The following LTBP1 variants were observed in gnomAD, a reference collection of about 807,000 sequenced individuals.
LTBP1 encodes latent-transforming growth factor beta-binding protein 1.
A neutral mutation model predicts 207.6 loss-of-function variants in LTBP1; 129 were observed. The ratio of observed to expected loss-of-function variants is 0.62; its 90% confidence interval spans 0.54 to 0.72. LTBP1 has a LOEUF of 0.72. LTBP1 is among the 30% of genes least tolerant of loss of function. The pLI is 0.00. For synonymous variants in LTBP1, 963 were observed against 833.7 expected (o/e 1.16, Z -2.67); for missense variants, 2,281 against 2,217.2 (o/e 1.03, Z -0.58).
chr2:33,192,599 T>G (rs1315002771), intron 7 of LTBP1, among the ~76,000 whole-genome samples: 2 of 152,168 alleles, frequency 1.3e-5, no homozygotes, highest in African/African-American at 4.8e-5. Flanking sequence ...GTGTAATATA[T>G]TCACCTTAAT....
At chr2:33,286,369 T>A (rs1184953949) in intron 19 of LTBP1, among the ~76,000 whole-genome samples, 1 of 152,234 alleles carries the variant, frequency 6.6e-6, no homozygotes. Context: ...GGAGAACTCA[T>A]TGTTCTAGAA....
intron 7 of LTBP1, among the ~76,000 whole-genome samples, chr2:33,198,268 A>G (rs187630942): frequency 8.7e-4 from 132 of 152,278 alleles, no homozygotes; most frequent in African/African-American, 3.1e-3. Flanking sequence ...ATGGTGGATA[A>G]GCTTTTTGAT....
At chr2:33,031,579 G>T (rs2075692425) in intron 3 of LTBP1, among the ~76,000 whole-genome samples, 1 of 152,208 alleles carries the variant, frequency 6.6e-6, no homozygotes, top group African/African-American at 2.4e-5. Flanking sequence ...GAGTAAGGAA[G>T]GGGGAGATTG....
At chr2:32,959,621 A>ATATATATATTTT (rs1475834284) in intron 2 of LTBP1, among the ~76,000 whole-genome samples, 1 of 36,668 alleles carries the variant, frequency 2.7e-5, no homozygotes, top group African/African-American at 9.6e-5. Context: ...ATATATATAT[A>ATATATATATTTT]TTTTTTTTTT....
intron 28 of LTBP1, among the ~76,000 whole-genome samples, chr2:33,362,317 G>C (rs1041746091): frequency 1.6e-4 from 24 of 151,950 alleles, no homozygotes; most frequent in African/African-American, 5.5e-4. Context: ...TCAGTAGCTG[G>C]ATAAGAAATT....
chr2:33,021,086 C>G lies in LTBP1; in HGVS notation c.743C>G (p.Ala248Gly), dbSNP rs745553587. 8 of 1,614,004 alleles carry G rather than the reference C, an allele frequency of 5.0e-6. No homozygotes were observed. The highest frequency in any genetic ancestry group is 3.3e-5 in the Admixed American group (2 of 60,004). Residue 248 changes from alanine (A) to glycine (G), a missense_variant, in exon 3 of 34, where the codon GCA (alanine) becomes GGA (glycine). Around this residue, in one of 3 missense-constraint regions of LTBP1, gnomAD observed 555 missense variants for 491.0 expected, o/e 1.13. Coordinates refer to ENST00000404816, the MANE Select transcript of LTBP1 (RefSeq NM_206943.4). ...AASSWGPPEQ[A>G]AKHTSSKKAD... ...TCCTCGTGGGGCCCTCCTGAGCAAG[C>G]AGCAAAGCATACTTCATCTAAGAAG...
At chr2:33,058,991 G>A (rs1264191379) in intron 3 of LTBP1, among the ~76,000 whole-genome samples, 2 of 152,118 alleles carry the variant, frequency 1.3e-5, no homozygotes, top group African/African-American at 4.8e-5. Context: ...TATTTTCACA[G>A]CCATACACAT....
intron 20 of LTBP1, among the ~76,000 whole-genome samples, chr2:33,298,629 A>C (rs1212374478): frequency 1.3e-5 from 2 of 152,234 alleles, no homozygotes; most frequent in African/African-American, 4.8e-5. Flanking sequence ...TCCTAAAGCT[A>C]AGAGACTTAC....
intron 3 of LTBP1, chr2:33,063,089 T>C (rs1348534091): frequency 6.6e-6 from 1 of 152,232 alleles, no homozygotes; most frequent in African/African-American, 2.4e-5. Flanking sequence ...TTGAGTACTG[T>C]AGCTTCAAAA....
At chr2:33,359,644 C>G (rs571477345) in intron 26 of LTBP1, among the ~76,000 whole-genome samples, 6 of 152,134 alleles carry the variant, frequency 3.9e-5, no homozygotes, top group Non-Finnish European at 8.8e-5. Context: ...CAGTAGTCAG[C>G]TTCTTATTTG....
intron 5 of LTBP1, among the ~76,000 whole-genome samples, chr2:33,149,408 C>G (rs1298042652): frequency 6.6e-6 from 1 of 152,020 alleles, no homozygotes; most frequent in African/African-American, 2.4e-5. Context: ...TTGTCCAGGT[C>G]CTTGGAAAAC....
chr2:33,348,207 AT>A (rs200502514), intron 26 of LTBP1, among the ~76,000 whole-genome samples: 3 of 150,932 alleles, frequency 2.0e-5, no homozygotes, highest in East Asian at 1.9e-4. Flanking sequence ...AACATAGACC[AT>A]TTTTTTTTCT....
intron 27 of LTBP1, 78 bp downstream of exon 27, chr2:33,360,857 A>C: frequency 2.2e-6 from 3 of 1,346,132 alleles, no homozygotes; most frequent in Non-Finnish European, 2.1e-6. Context: ...GATAACACTC[A>C]TTCCCACAGC....
chr2:32,964,508 G>A (rs973321089), intron 2 of LTBP1, among the ~76,000 whole-genome samples: 34 of 152,220 alleles, frequency 2.2e-4, no homozygotes, highest in Middle Eastern at 3.4e-3. Flanking sequence ...ATCAGTTATT[G>A]TAGTAATAGC....
At chr2:33,063,853 C>CTTTT (rs58115868) in intron 3 of LTBP1, among the ~76,000 whole-genome samples, 5 of 147,576 alleles carry the variant, frequency 3.4e-5, no homozygotes, top group Non-Finnish European at 3.0e-5. Context: ...ATTGTATATT[C>CTTTT]TTTTTTTTTT....
chr2:33,294,024 G>C (rs1456834058), intron 20 of LTBP1, among the ~76,000 whole-genome samples: 1 of 2,268 alleles, frequency 4.4e-4, no homozygotes, highest in Non-Finnish European at 1.1e-3. Flanking sequence ...TTTTTTTTTT[G>C]AGCTGAAGTC....
intron 3 of LTBP1, among the ~76,000 whole-genome samples, chr2:33,024,098 A>C (rs2149253082): frequency 6.6e-6 from 1 of 152,320 alleles, no homozygotes; most frequent in Middle Eastern, 3.4e-3. Flanking sequence ...GTTTTTATGG[A>C]GCATATTTTA....
At chr2:33,028,101 A>C (rs2075517521) in intron 3 of LTBP1, among the ~76,000 whole-genome samples, 2 of 152,282 alleles carry the variant, frequency 1.3e-5, no homozygotes, top group East Asian at 3.9e-4. Flanking sequence ...AGTTCGGAAG[A>C]AGAGTAGACC....
At chr2:32,976,611 C>G (rs1012164152) in intron 2 of LTBP1, among the ~76,000 whole-genome samples, 3 of 152,200 alleles carry the variant, frequency 2.0e-5, no homozygotes, top group Non-Finnish European at 2.9e-5. Flanking sequence ...ACTCCCTTAC[C>G]TAGTTTGTTC....
Sources: allele counts gnomAD v4.1 joint callset (sites outside exome capture counted in the v4.1 genomes callset), GRCh38; gene constraint gnomAD v4.1.1; regional missense constraint gnomAD v4.1.1; transcripts MANE v1.5; gene names NCBI Gene and HGNC (gene_info 2026-07-23, HGNC 2026-07-21).